Variants in LONP2 observed in about 807,000 individuals in gnomAD.
LONP2 encodes lon protease homolog 2, peroxisomal.
LONP2 carries 60 observed loss-of-function variants against 85.6 expected under a neutral mutation model. The ratio of observed to expected loss-of-function variants is 0.70; its 90% confidence interval spans 0.57 to 0.87. The LOEUF is 0.87. Ranked by LOEUF, LONP2 falls within the 40% of genes least tolerant of loss-of-function variation. LONP2 has a pLI of 0.00. For missense variants in LONP2, 860 were observed against 1,063.5 expected, an observed-to-expected ratio of 0.81 and a Z score of 2.66; for synonymous variants, 395 against 389.7, an observed-to-expected ratio of 1.01 and a Z score of -0.16.
chr16:48,293,714 A>T (rs943957841), intron 8 of LONP2, among the ~76,000 whole-genome samples: 2 of 152,116 alleles, frequency 1.3e-5, no homozygotes, highest in African/African-American at 2.4e-5. Flanking sequence ...GAGAACAGAT[A>T]CGTATGGGTA....
intron 6 of LONP2, among the ~76,000 whole-genome samples, chr16:48,269,721 C>CA (rs1972063177): frequency 6.6e-6 from 1 of 152,018 alleles, no homozygotes; most frequent in Non-Finnish European, 1.5e-5. Context: ...TGCCAGCACA[C>CA]ATACAATATG....
intron 7 of LONP2, among the ~76,000 whole-genome samples, chr16:48,271,302 G>A (rs1251428236): frequency 6.6e-6 from 1 of 152,142 alleles, no homozygotes; most frequent in African/African-American, 2.4e-5. Context: ...AATTGCCTTG[G>A]GAAAGCATGA....
intron 12 of LONP2, among the ~76,000 whole-genome samples, chr16:48,342,869 A>G (rs1033526227): frequency 2.6e-5 from 4 of 152,232 alleles, no homozygotes; most frequent in African/African-American, 7.2e-5. Context: ...GAACACCACT[A>G]CAGAGCAACC....
At chr16:48,329,316 C>T (rs2151021197) in intron 11 of LONP2, among the ~76,000 whole-genome samples, 1 of 152,290 alleles carries the variant, frequency 6.6e-6, no homozygotes, top group Admixed American at 6.5e-5. Flanking sequence ...CCATCCTGCT[C>T]TGTGTGACCC....
At chr16:48,268,506 C>T (rs2150975222) in intron 6 of LONP2, among the ~76,000 whole-genome samples, 1 of 152,254 alleles carries the variant, frequency 6.6e-6, no homozygotes, top group South Asian at 2.1e-4. Flanking sequence ...TAAAATAAAT[C>T]CCACTGGGAC....
chr16:48,269,660 A>T (rs1370732635), intron 6 of LONP2, among the ~76,000 whole-genome samples: 1 of 152,176 alleles, frequency 6.6e-6, no homozygotes, highest in African/African-American at 2.4e-5. Context: ...GAATGAACAT[A>T]TGTTACTACT....
chr16:48,302,553 G>C (rs1972829074), intron 10 of LONP2, among the ~76,000 whole-genome samples: 1 of 152,026 alleles, frequency 6.6e-6, no homozygotes, highest in Admixed American at 6.5e-5. Flanking sequence ...ATGTACATGT[G>C]TTTAAAGCAG....
At chr16:48,246,540 T>A (rs759830480) in intron 1 of LONP2, among the ~76,000 whole-genome samples, 7 of 152,212 alleles carry the variant, frequency 4.6e-5, no homozygotes, top group Non-Finnish European at 8.8e-5. Context: ...GGTATTATTC[T>A]GGCAAGATTT....
intron 8 of LONP2, among the ~76,000 whole-genome samples, chr16:48,279,987 C>G (rs1972292611): frequency 6.6e-6 from 1 of 152,126 alleles, no homozygotes; most frequent in South Asian, 2.1e-4. Context: ...ATTAATTGCA[C>G]TCTTTTTTAG....
intron 11 of LONP2, among the ~76,000 whole-genome samples, chr16:48,314,162 T>A (rs556087943): frequency 9.9e-5 from 15 of 152,040 alleles, no homozygotes; most frequent in Non-Finnish European, 1.9e-4. Flanking sequence ...TGTTTTTTTT[T>A]TTCCTTGTAA....
chr16:48,299,813 A>G (rs202089387), intron 10 of LONP2, 25 bp downstream of exon 10: 2 of 1,600,854 alleles, frequency 1.2e-6, no homozygotes, highest in Non-Finnish European at 1.7e-6. Flanking sequence ...CTGAGGCTTC[A>G]TTAACTCCAG....
At chr16:48,357,432 G>C (rs1381230080), downstream of LONP2, 1 of 152,208 alleles carries the variant, frequency 6.6e-6, no homozygotes, top group Non-Finnish European at 1.5e-5. Context: ...GTGGGGAGGG[G>C]AATGACAAAG....
intron 11 of LONP2, among the ~76,000 whole-genome samples, chr16:48,324,361 A>T (rs1416329020): frequency 6.6e-6 from 1 of 152,150 alleles, no homozygotes; most frequent in Non-Finnish European, 1.5e-5. Flanking sequence ...TTGAGATGTA[A>T]ACATCTCCTC....
chr16:48,268,172 A>G (rs1156328970), intron 6 of LONP2, among the ~76,000 whole-genome samples: 4 of 152,250 alleles, frequency 2.6e-5, no homozygotes, highest in Admixed American at 6.5e-5. Flanking sequence ...ATCATTAAAG[A>G]GAATAATTAG....
chr16:48,351,108 G>A (rs1181317198), intron 14 of LONP2, among the ~76,000 whole-genome samples: 6 of 152,236 alleles, frequency 3.9e-5, no homozygotes, highest in Non-Finnish European at 5.9e-5. Context: ...TAGGAGCCTA[G>A]TTTAGGGATA....
rs58653882 is a variant in LONP2 at position 48,349,265 on chromosome 16, T to C, written c.2337+975T>C. Among the ~76,000 whole-genome samples, 697 of 141,192 alleles carry C rather than the reference T, an allele frequency of 4.9e-3. 9 individuals are homozygous for C. Among genetic ancestry groups the C allele is most frequent in the African/African-American group, 0.019 (647 of 34,924 alleles). 92.6% of individuals were successfully genotyped at this position (141,192 alleles called of 152,430 possible). A position where few individuals can be genotyped will look rare whatever the true frequency, so the allele number is the denominator to read the frequency against. Reference sequence around the variant, plus strand: ...CAAGATGAGGAAAAAAAAAAAGAAATAGTCTTTTTTTCTTTTTTCTATCGA... The same window carrying C: ...CAAGATGAGGAAAAAAAAAAAGAAACAGTCTTTTTTTCTTTTTTCTATCGA... On this transcript the variant is annotated intron_variant, in intron 14 of 14. Coordinates refer to ENST00000285737, the MANE Select transcript of LONP2 (RefSeq NM_031490.5).
At chr16:48,295,850 T>G (rs1972656684) in intron 8 of LONP2, among the ~76,000 whole-genome samples, 165 bp from the exon 9 acceptor site, 1 of 152,228 alleles carries the variant, frequency 6.6e-6, no homozygotes, top group African/African-American at 2.4e-5. Context: ...GTATGTAGAA[T>G]GTAGAGAATG....
downstream of LONP2, chr16:48,361,570 G>T: frequency 6.2e-7 from 1 of 1,609,446 alleles, no homozygotes; most frequent in South Asian, 1.1e-5. Flanking sequence ...GAAAATGTTT[G>T]ATTGCCATTT....
At chr16:48,309,937 T>A (rs1330540266) in intron 11 of LONP2, among the ~76,000 whole-genome samples, 1 of 152,114 alleles carries the variant, frequency 6.6e-6, no homozygotes, top group Non-Finnish European at 1.5e-5. Context: ...TTGCTATCTG[T>A]CTCTTTTCTT....
Sources: allele counts gnomAD v4.1 joint callset (sites outside exome capture counted in the v4.1 genomes callset), GRCh38; gene constraint gnomAD v4.1.1; transcripts MANE v1.5; gene names NCBI Gene and HGNC (gene_info 2026-07-23, HGNC 2026-07-21).